The following MMP2 variants were observed in gnomAD, a reference collection of about 807,000 sequenced individuals.
MMP2 encodes matrix metallopeptidase 2, also known as 72 kDa type IV collagenase.
In MMP2, 39 loss-of-function variants were observed where a neutral mutation model predicts 74.8. The ratio of observed to expected loss-of-function variants is 0.52; its 90% CI spans 0.40 to 0.68. MMP2 has a LOEUF of 0.68. Among genes scored for constraint, MMP2 ranks in the 30% least tolerant of loss-of-function variants. The pLI, the probability that MMP2 is intolerant of heterozygous loss-of-function variation, is 0.00. For missense variants in MMP2, 803 were observed against 878.3 expected (o/e 0.91, Z 1.08); for synonymous variants, 367 against 339.8 (o/e 1.08, Z -0.88).
intron 1 of MMP2, chr16:55,481,598 C>T: frequency 2.2e-6 from 1 of 452,008 alleles, no homozygotes; most frequent in Non-Finnish European, 3.9e-6. Context: ...CAGCAGGTCT[C>T]AGCCTCATCT....
chr16:55,488,457 G>A (rs1950135275), intron 5 of MMP2, 86 bp from the exon 6 acceptor site: 21 of 1,330,336 alleles, frequency 1.6e-5, no homozygotes, highest in Middle Eastern at 1.8e-4. Flanking sequence ...CTTCACTGGT[G>A]TGAACCGGCA....
intron 11 of MMP2, among the ~76,000 whole-genome samples, chr16:55,498,746 G>A (rs1228903418): frequency 2.6e-5 from 4 of 152,176 alleles, no homozygotes; most frequent in African/African-American, 9.7e-5. Context: ...TGAAGAAGGG[G>A]GTAATAAAAA....
chr16:55,479,126 C>T, upstream of MMP2: 1 of 176,774 alleles, frequency 5.7e-6, no homozygotes. Flanking sequence ...GCGCCCCCCG[C>T]CCCCAGCCCC....
In MMP2 at chr16:55,497,021, T is replaced by C; in HGVS notation, c.1568T>C (p.Val523Ala). ...GAGCTCCCGGAAAAGATTGATGCGG[T>C]ATACGAGGCCCCACAGGAGGAGAAG... The part of the protein sequence containing the change: ...WPELPEKIDA[V>A]YEAPQEEKAV... The change falls in exon 10 of 13, where the codon GTA becomes GCA. Residue 523 changes from valine to alanine, a missense_variant. Transcript: ENST00000219070. 3 of 1,614,178 alleles carry C rather than the reference T, an allele frequency of 1.9e-6. No homozygotes were observed. The highest frequency in any genetic ancestry group is 2.5e-6 in the Non-Finnish European group (3 of 1,180,038).
chr16:55,497,177 T>G, intron 10 of MMP2, 115 bp downstream of exon 10: 1 of 1,398,726 alleles, frequency 7.1e-7, no homozygotes, highest in Non-Finnish European at 1.0e-6. Context: ...CACCCGTGGG[T>G]GCTCCCTTTC....
chr16:55,505,676 A>C lies in MMP2; in HGVS notation c.*234A>C. ...GCCCCTTCCCCCTCCAATCCCACCA[A>C]CCCTCAGAGCCACCCCTAAAGAGAT... On this transcript the variant is annotated 3_prime_UTR_variant, in exon 13 of 13. Coordinates refer to ENST00000219070, the MANE Select transcript of MMP2 (RefSeq NM_004530.6). 1 of 579,242 alleles carries C rather than the reference A, an allele frequency of 1.7e-6. No individual in the cohort carries two copies. The highest frequency in any genetic ancestry group is 1.9e-5 in the African/African-American group (1 of 53,252). The allele number at this position is 579,242 out of a possible 1,614,324, so 35.9% of individuals were successfully genotyped here. A position where few individuals can be genotyped will look rare whatever the true frequency, so the allele number is the denominator to read the frequency against.
chr16:55,500,385 T>C (rs527740308), intron 11 of MMP2, among the ~76,000 whole-genome samples: 1 of 152,272 alleles, frequency 6.6e-6, no homozygotes, highest in African/African-American at 2.4e-5. Context: ...CAAATTATGG[T>C]GTTGGAAGAA....
intron 1 of MMP2, among the ~76,000 whole-genome samples, chr16:55,482,309 G>A (rs1302259161): frequency 6.6e-6 from 1 of 152,170 alleles, no homozygotes; most frequent in Non-Finnish European, 1.5e-5. Flanking sequence ...GGCTGATTCA[G>A]GATTTAAACC....
At position 55,506,339 on chromosome 16, in the gene MMP2, A is replaced by T. The variant is rs1277763888; in HGVS notation, c.*897A>T. 6.6e-6 allele frequency: 1 copy of T among 152,308 alleles called. No individual in the cohort carries two copies. The highest frequency in any genetic ancestry group is 6.5e-5 in the Admixed American group (1 of 15,292). The allele number at this position is 152,308 out of a possible 1,614,324, so 9.4% of individuals were successfully genotyped here. On this transcript the variant is annotated 3_prime_UTR_variant, in exon 13 of 13. Coordinates refer to ENST00000219070, the MANE Select transcript of MMP2 (RefSeq NM_004530.6). ...CGAATCTCTGCTCCCTGCAGGGCAC[A>T]GGTGATGGTGTCTGCTGGAAAGGTC... is the stretch of plus-strand genomic sequence containing the variant.
At chr16:55,481,716 G>T in intron 1 of MMP2, 1 of 628,846 alleles carries the variant, frequency 1.6e-6, no homozygotes, top group South Asian at 2.0e-5. Context: ...AGATAACTCT[G>T]GACTTAGACC....
In MMP2 at chr16:55,502,766, TG is replaced by T; in HGVS notation, c.1770-12del. 1 of 1,609,502 alleles carries T rather than the reference TG, an allele frequency of 6.2e-7. No individual in the cohort carries two copies. Among genetic ancestry groups the T allele is most frequent in the Non-Finnish European group, 8.5e-7 (1 of 1,175,850 alleles). On this transcript the variant is annotated splice_polypyrimidine_tract_variant and intron_variant, in intron 11 of 12. Transcript: ENST00000219070. ...AGAGGCCCTGCTGGTTCACTGTGTC[TG>T]TTTCTTTACAGATACAATGAGGTGA... is the stretch of plus-strand genomic sequence containing the variant.
At chr16:55,479,693 G>A in intron 1 of MMP2, 61 bp downstream of exon 1, 1 of 1,607,906 alleles carries the variant, frequency 6.2e-7, no homozygotes, top group Non-Finnish European at 8.5e-7. Flanking sequence ...GCAAAGGATG[G>A]GGGTGTCTCT....
At position 55,491,793 on chromosome 16, in the gene MMP2, A is replaced by G. The variant is rs569670960; in HGVS notation, c.1181-8A>G. 1 of 1,613,852 alleles carries G rather than the reference A, an allele frequency of 6.2e-7. No individual in the cohort carries two copies. Among genetic ancestry groups the G allele is most frequent in the South Asian group, 1.1e-5 (1 of 91,060 alleles). On this transcript the variant is annotated splice_polypyrimidine_tract_variant and splice_region_variant and intron_variant, in intron 7 of 12. Transcript: ENST00000219070. The stretch of plus-strand genomic sequence containing the variant: ...CTTTCAACCCTCTCTCCTCCCTGCA[A>G]CCCTCAGGGTACAGCCTGTTCCTCG...
At chr16:55,485,562 G>A (rs144368469) in intron 4 of MMP2, 42 bp from the exon 5 acceptor site, 7 of 1,612,296 alleles carry the variant, frequency 4.3e-6, no homozygotes, top group Non-Finnish European at 5.9e-6. Context: ...TCCAAAGAAG[G>A]CCTGGAGAAG....
At position 55,485,447 on chromosome 16, in the gene MMP2, C is replaced by A. The variant is rs1374219414; in HGVS notation, c.658+20C>A. On this transcript the variant is annotated intron_variant, in intron 4 of 12. Transcript: ENST00000219070. ...GCCAAGGTGAGAAAGGGGCCCTCTG[C>A]ATGCCCCAGACCTTCTCTCCTGTCC... 6.2e-7 allele frequency: 1 copy of A among 1,613,842 alleles called. No individual in the cohort carries two copies. Among genetic ancestry groups the A allele is most frequent in the East Asian group, 2.2e-5 (1 of 44,856 alleles).
chr16:55,490,472 G>T (rs867027157), intron 7 of MMP2, among the ~76,000 whole-genome samples: 12 of 152,138 alleles, frequency 7.9e-5, no homozygotes, highest in African/African-American at 2.2e-4. Context: ...AAGCTCAGGG[G>T]AGAGAGTGAC....
In MMP2 at chr16:55,485,780, G is replaced by A; in HGVS notation, c.832+3G>A. 1 of 1,612,956 alleles carries A rather than the reference G, an allele frequency of 6.2e-7. No individual in the cohort carries two copies. Among genetic ancestry groups the A allele is most frequent in the Non-Finnish European group, 8.5e-7 (1 of 1,179,986 alleles). On this transcript the variant is annotated splice_donor_region_variant and intron_variant, in intron 5 of 12. Coordinates refer to ENST00000219070, the MANE Select transcript of MMP2 (RefSeq NM_004530.6). ...GTACGGCTTCTGTCCCCATGAAGGTGAGCATCCACTCTAGTCCCCAAGACT... is the reference window on the plus strand; with the variant it reads ...GTACGGCTTCTGTCCCCATGAAGGTAAGCATCCACTCTAGTCCCCAAGACT...
intron 12 of MMP2, among the ~76,000 whole-genome samples, 193 bp downstream of exon 12, chr16:55,503,081 A>G (rs1339904309): frequency 6.6e-6 from 1 of 152,166 alleles, no homozygotes; most frequent in Non-Finnish European, 1.5e-5. Flanking sequence ...GCCTGGCTCC[A>G]GGCAGTAAGA....
intron 8 of MMP2, 51 bp downstream of exon 8, chr16:55,492,007 A>T: frequency 1.3e-6 from 2 of 1,553,416 alleles, no homozygotes; most frequent in East Asian, 2.3e-5. Flanking sequence ...GGGGGAGGTC[A>T]TGTAGCCTGG....
Sources: gnomAD v4.1 joint callset for allele counts (sites outside exome capture counted in the v4.1 genomes callset) on GRCh38, gnomAD v4.1.1 for gene constraint, MANE v1.5 for transcripts, NCBI Gene and HGNC (gene_info 2026-07-23, HGNC 2026-07-21) for gene names.